Variants in MAP4K5 observed in about 807,000 individuals in gnomAD.
MAP4K5 encodes the protein mitogen-activated protein kinase kinase kinase kinase 5.
In MAP4K5, 82 loss-of-function variants were observed where a neutral mutation model predicts 135.6. The observed-to-expected ratio is 0.60, with a 90% CI of 0.51 to 0.73. The LOEUF is 0.73. MAP4K5 is among the 30% of genes least tolerant of loss of function. The pLI is 0.00. For synonymous variants in MAP4K5, 347 were observed against 335.0 expected, an observed-to-expected ratio of 1.04 and a Z score of -0.39; for missense variants, 907 against 1,010.9, an observed-to-expected ratio of 0.90 and a Z score of 1.39.
intron 1 of MAP4K5, among the ~76,000 whole-genome samples, chr14:50,546,425 TG>T (rs1479315516): frequency 6.6e-6 from 1 of 152,150 alleles, no homozygotes; most frequent in Non-Finnish European, 1.5e-5. Context: ...TTTATATGTA[TG>T]TACATGTGTT....
At chr14:50,448,928 G>A in intron 14 of MAP4K5, 96 bp from the exon 15 acceptor site, 1 of 668,112 alleles carries the variant, frequency 1.5e-6, no homozygotes, top group South Asian at 1.8e-5. Context: ...GGGGGAGGGA[G>A]AAAGAAGAGG....
intron 1 of MAP4K5, among the ~76,000 whole-genome samples, chr14:50,552,186 C>A (rs1028739192): frequency 6.6e-6 from 1 of 152,044 alleles, no homozygotes. Flanking sequence ...TCAATGTACA[C>A]AAATCAGTAG....
rs1566672769 is a variant in MAP4K5 at position 50,486,119 on chromosome 14, A to C, written c.242T>G (p.Phe81Cys). 4.4e-6 allele frequency: 6 copies of C among 1,371,076 alleles called. No homozygotes were observed. The highest frequency in any genetic ancestry group is 6.0e-6 in the Non-Finnish European group (6 of 994,984). The allele number at this position is 1,371,076 out of a possible 1,614,324, so 84.9% of individuals were successfully genotyped here. ...ECKHCNIVAY[F>C]GSYLSREKLW... ...TTTCTCTTACCTAAGATAACTCCCA[A>C]AGTAGGCAACGATGTTACAATGTTT... The change falls in exon 4 of 33, where the codon TTT (phenylalanine) becomes TGT (cysteine). Residue 81 changes from phenylalanine (F) to cysteine (C), a missense_variant. Around this residue, in one of 3 missense-constraint regions of MAP4K5, gnomAD observed 196 missense variants for 189.3 expected, o/e 1.04. Transcript: ENST00000682126.
chr14:50,536,001 C>A (rs962824171), upstream of MAP4K5, among the ~76,000 whole-genome samples: 2 of 152,224 alleles, frequency 1.3e-5, no homozygotes, highest in South Asian at 4.1e-4. Flanking sequence ...CTGCTGCCAT[C>A]GTGTGAGACA....
At chr14:50,553,270 C>CA (rs35423067) in intron 1 of MAP4K5, among the ~76,000 whole-genome samples, 28,081 of 102,910 alleles carry the variant, frequency 0.27, 3,356 homozygotes, top group Middle Eastern at 0.37. Context: ...GACTCCGTTT[C>CA]AAAAAAAAAA....
intron 3 of MAP4K5, among the ~76,000 whole-genome samples, chr14:50,497,610 G>A (rs1381249521): frequency 3.3e-5 from 5 of 152,066 alleles, no homozygotes; most frequent in South Asian, 2.1e-4. Flanking sequence ...TTAAACCTCC[G>A]TATAGTTCCT....
intron 8 of MAP4K5, 123 bp downstream of exon 8, chr14:50,476,005 C>T: frequency 1.9e-6 from 1 of 521,876 alleles, no homozygotes; most frequent in Non-Finnish European, 3.3e-6. Flanking sequence ...TTAAACATTA[C>T]TGCGACTCTT....
intron 3 of MAP4K5, among the ~76,000 whole-genome samples, chr14:50,499,691 T>C (rs961577004): frequency 6.6e-6 from 1 of 151,548 alleles, no homozygotes; most frequent in East Asian, 1.9e-4. Flanking sequence ...TGGAAGACTT[T>C]AAAAATTCAT....
chr14:50,473,464 A>T (rs1309641094), intron 9 of MAP4K5, among the ~76,000 whole-genome samples: 1 of 152,182 alleles, frequency 6.6e-6, no homozygotes, highest in Non-Finnish European at 1.5e-5. Context: ...ACTGCTTCTA[A>T]TGAGACATTC....
intron 3 of MAP4K5, among the ~76,000 whole-genome samples, chr14:50,497,623 C>T (rs2037621614): frequency 6.6e-6 from 1 of 152,144 alleles, no homozygotes; most frequent in East Asian, 1.9e-4. Context: ...TAGTTCCTGA[C>T]TTTTTAACAC....
chr14:50,460,485 C>A (rs1485699865), intron 13 of MAP4K5, among the ~76,000 whole-genome samples: 1 of 152,106 alleles, frequency 6.6e-6, no homozygotes, highest in African/African-American at 2.4e-5. Context: ...TAGTGAAAGG[C>A]AAATTGGAGA....
intron 9 of MAP4K5, among the ~76,000 whole-genome samples, chr14:50,470,242 T>C (rs1314545312): frequency 1.3e-5 from 2 of 152,052 alleles, no homozygotes. Flanking sequence ...CAGTTGGCCA[T>C]AGGTATAGAA....
intron 10 of MAP4K5, among the ~76,000 whole-genome samples, chr14:50,467,017 T>G (rs1012717785): frequency 2.0e-5 from 3 of 152,182 alleles, no homozygotes; most frequent in Non-Finnish European, 4.4e-5. Context: ...AGGTTGCATA[T>G]TTAACCAAAG....
At chr14:50,508,183 T>A (rs980729537) in intron 2 of MAP4K5, among the ~76,000 whole-genome samples, 1 of 152,194 alleles carries the variant, frequency 6.6e-6, no homozygotes, top group Non-Finnish European at 1.5e-5. Flanking sequence ...TGCTTTTTTT[T>A]GTTTTCCATT....
rs983695851 is a variant in MAP4K5, at chr14:50,448,711, TAAC to T, written c.1074+60_1074+62del. On this transcript the variant is annotated intron_variant, in intron 15 of 32. Coordinates refer to ENST00000682126, the MANE Select transcript of MAP4K5 (RefSeq NM_006575.6). ...CTTTGTTTTCTAATCAAAGTACAAC[TAAC>T]AAAAAAAAAGTTTTCTCAAATCTTA... 8 of 967,568 alleles carry T rather than the reference TAAC, an allele frequency of 8.3e-6. No homozygotes were observed. In the African/African-American group the frequency reaches 1.3e-4, roughly 16 times the overall value. 59.9% of individuals were successfully genotyped at this position (967,568 alleles called of 1,614,324 possible).
chr14:50,528,897 A>G (rs1000553869), intron 2 of MAP4K5, among the ~76,000 whole-genome samples: 11 of 152,224 alleles, frequency 7.2e-5, no homozygotes, highest in African/African-American at 2.4e-4. Flanking sequence ...CCAGAGCTTA[A>G]AAAATTCAGC....
chr14:50,522,265 G>C (rs566260258), intron 2 of MAP4K5, among the ~76,000 whole-genome samples: 15 of 151,824 alleles, frequency 9.9e-5, no homozygotes, highest in African/African-American at 3.6e-4. Context: ...GACTACACTA[G>C]TGATGCATTG....
At chr14:50,444,951 C>A in intron 18 of MAP4K5, 90 bp downstream of exon 18, 2 of 1,317,246 alleles carry the variant, frequency 1.5e-6, no homozygotes, top group Middle Eastern at 1.9e-4. Context: ...GAACAAATGA[C>A]TCTCATTTCA....
intron 14 of MAP4K5, chr14:50,456,238 G>A (rs2036591792): frequency 2.4e-6 from 1 of 416,340 alleles, no homozygotes. Context: ...TTGGCTCTGG[G>A]TGATGTGATT....
Sources: allele counts gnomAD v4.1 joint callset (sites outside exome capture counted in the v4.1 genomes callset), GRCh38; gene constraint gnomAD v4.1.1; regional missense constraint gnomAD v4.1.1; transcripts MANE v1.5; gene names NCBI Gene and HGNC (gene_info 2026-07-23, HGNC 2026-07-21).